The following KLF2 variants were observed in gnomAD, a reference collection of about 807,000 sequenced individuals.
KLF2 encodes KLF transcription factor 2, also known as Krueppel-like factor 2.
A neutral mutation model predicts 22.2 loss-of-function variants in KLF2; 9 were observed. That is an observed-to-expected ratio of 0.40 (90% confidence interval 0.24 to 0.71). The LOEUF (loss-of-function observed/expected upper bound fraction) is 0.71. Among genes scored for constraint, KLF2 ranks in the 30% least tolerant of loss-of-function variants. KLF2 has a pLI of 0.35. For missense variants in KLF2, 481 were observed against 542.1 expected, an observed-to-expected ratio of 0.89 and a Z score of 1.12; for synonymous variants, 299 against 264.2, an observed-to-expected ratio of 1.13 and a Z score of -1.28.
At position 16,325,243 on chromosome 19, in the gene KLF2, G is replaced by A. The variant is rs1209296008; in HGVS notation, c.103G>A (p.Gly35Ser). Residue 35 changes from glycine to serine, a missense_variant, in exon 2 of 3, where the codon GGC (glycine) becomes AGC (serine). Coordinates refer to ENST00000248071, the MANE Select transcript of KLF2 (RefSeq NM_016270.4). ...ERWPRAEPES[G>S]GTDDDLNSVL... is the part of the protein sequence containing the mutation. ...CTGGCCGCGCGCCGAACCCGAGTCCGGCGGCACCGACGACGACCTCAACAG... is the reference window on the plus strand; with the variant it reads ...CTGGCCGCGCGCCGAACCCGAGTCCAGCGGCACCGACGACGACCTCAACAG... 1.3e-5 allele frequency: 20 copies of A among 1,538,032 alleles called. No homozygotes were observed. The Middle Eastern group carries it at 8.9e-4, about 69-fold the overall frequency.
In KLF2 at chr19:16,325,396, GC is replaced by G. The variant is rs1302376110; in HGVS notation, c.261del (p.Ala88ArgfsTer53). The G allele has an allele frequency of 2.8e-6, 4 of 1,422,682 alleles. No individual in the cohort carries two copies. Among genetic ancestry groups the G allele is most frequent in the Admixed American group, 6.6e-5 (2 of 30,402 alleles). 88.1% of individuals were successfully genotyped at this position (1,422,682 alleles called of 1,614,324 possible). On this transcript the variant is annotated frameshift_variant, in exon 2 of 3. Transcript: ENST00000248071. LOFTEE classifies it high-confidence loss of function. ...ACCCGGCGCGCCCCCGCCCTACAGC[GC>G]CCCCGCGGGTGGCCTGGTGTCTGAG... ...PEPGAPPPYSAPAGGLVSELL... is the reference protein window; with the variant it reads ...PEPGAPPPYSXPAGGLVSELL...
chr19:16,328,601 A>G lies in KLF2; in HGVS notation c.*1570A>G, dbSNP rs892091294. ...TACGGCAGCCCTGGAAACAGCTGAG[A>G]GGTGTTTGGTAATCCACGAAAAGCA... On this transcript the variant is annotated 3_prime_UTR_variant, in exon 3 of 3. Transcript: ENST00000248071. Among the ~76,000 whole-genome samples the G allele has an allele frequency of 1.8e-4, 28 of 152,186 alleles. No homozygotes were observed. The highest frequency in any genetic ancestry group is 6.5e-4 in the African/African-American group (27 of 41,454).
Position 16,325,887 on chromosome 19 carries a change from G to C in KLF2, c.747G>C (p.Pro249=). Residue 249 remains proline (P), a synonymous_variant, in exon 2 of 3, where the codon CCG becomes CCC. Coordinates refer to ENST00000248071, the MANE Select transcript of KLF2 (RefSeq NM_016270.4). The part of the protein sequence containing the change: ...ARGLLTPPAS[P]LELLEAKPKR... ...GTCTCCTCACGCCGCCTGCGTCCCC[G>C]CTGGAGCTGCTGGAGGCCAAGCCAA... is the stretch of plus-strand genomic sequence containing the variant. 6.1e-6 allele frequency: 9 copies of C among 1,486,556 alleles called. No homozygotes were observed. Among genetic ancestry groups the C allele is most frequent in the Non-Finnish European group, 8.0e-6 (9 of 1,124,496 alleles). 92.1% of individuals were successfully genotyped at this position (1,486,556 alleles called of 1,614,324 possible). A position where few individuals can be genotyped will look rare whatever the true frequency, so the allele number is the denominator to read the frequency against.
Position 16,325,010 on chromosome 19 carries a change from G to T in KLF2, c.75+12G>T. ...GCGGCCTGCAGGAGGTGAGGGCGGC[G>T]GGGACGGCGGGGCGGCCGGGACCGT... On this transcript the variant is annotated intron_variant, in intron 1 of 2. Coordinates refer to ENST00000248071, the MANE Select transcript of KLF2 (RefSeq NM_016270.4). 1 of 1,568,266 alleles carries T rather than the reference G, an allele frequency of 6.4e-7. No individual in the cohort carries two copies. Among genetic ancestry groups the T allele is most frequent in the East Asian group, 2.4e-5 (1 of 42,102 alleles).
chr19:16,325,032 CCGTGGGCGGCGGGCTCGGGGTAGTAGAA>C (rs745746141), intron 1 of KLF2, 34 bp downstream of exon 1: 24 of 1,526,444 alleles, frequency 1.6e-5, no homozygotes, highest in East Asian at 2.5e-5. Flanking sequence ...GCGGCCGGGA[CCGTGGGCGGCGGGCTCGGGGTAGTAGAA>C]CGTGGGCTGC....
At chr19:16,326,523 A>T (rs2091890778) in intron 2 of KLF2, among the ~76,000 whole-genome samples, 1 of 151,994 alleles carries the variant, frequency 6.6e-6, no homozygotes. Flanking sequence ...TCTGGGGACA[A>T]GGCTCAGGAC....
In KLF2 at chr19:16,324,857, C is replaced by G; in HGVS notation, c.-67C>G. 1 of 1,387,818 alleles carries G rather than the reference C, an allele frequency of 7.2e-7. No individual in the cohort carries two copies. Among genetic ancestry groups the G allele is most frequent in the Non-Finnish European group, 9.9e-7 (1 of 1,013,924 alleles). 86.0% of individuals were successfully genotyped at this position (1,387,818 alleles called of 1,614,324 possible). A position where few individuals can be genotyped will look rare whatever the true frequency, so the allele number is the denominator to read the frequency against. The stretch of plus-strand genomic sequence containing the variant: ...CCGTCCCCGCCCGCCCGCGCCCCGA[C>G]CAGCCCGGCCTCGGGCAGCCACTCA... On this transcript the variant is annotated 5_prime_UTR_variant, in exon 1 of 3. Coordinates refer to ENST00000248071, the MANE Select transcript of KLF2 (RefSeq NM_016270.4).
At position 16,326,926 on chromosome 19, in the gene KLF2, C is replaced by G. The variant is rs369699951; in HGVS notation, c.963C>G (p.Arg321=). 1 of 1,613,442 alleles carries G rather than the reference C, an allele frequency of 6.2e-7. No homozygotes were observed. The highest frequency in any genetic ancestry group is 2.2e-5 in the East Asian group (1 of 44,892). The change falls in exon 3 of 3, where the codon CGC becomes CGG. Residue 321 remains arginine (R), a synonymous_variant. Coordinates refer to ENST00000248071, the MANE Select transcript of KLF2 (RefSeq NM_016270.4). ...TTGCGCGCTCAGACGAGCTCACGCGCCACTACCGAAAGCACACGGGCCACC... is the reference window on the plus strand; with the variant it reads ...TTGCGCGCTCAGACGAGCTCACGCGGCACTACCGAAAGCACACGGGCCACC... ...WKFARSDELT[R]HYRKHTGHRP...
At chr19:16,326,064 CG>C in intron 2 of KLF2, 32 bp downstream of exon 2, 11 of 1,521,874 alleles carry the variant, frequency 7.2e-6, no homozygotes, top group East Asian at 5.2e-5. Context: ...GGAGCGCAGG[CG>C]GGGGGACGCG....
intron 2 of KLF2, 110 bp from the exon 3 acceptor site, chr19:16,326,746 C>G (rs1344483737): frequency 1.8e-6 from 2 of 1,082,292 alleles, no homozygotes; most frequent in Non-Finnish European, 2.7e-6. Flanking sequence ...AACACTACCG[C>G]GGGGAGCGCG....
Position 16,325,680 on chromosome 19 carries a change from CCCCGCGCGCCTG to C in KLF2, c.548_559del (p.Arg183_Ala186del). On this transcript the variant is annotated inframe_deletion, in exon 2 of 3. Coordinates refer to ENST00000248071, the MANE Select transcript of KLF2 (RefSeq NM_016270.4). ...ACACACCGCCGCTCAGCCCCGACGG[CCCCGCGCGCCTG>C]CCCGCGCCCGGTCCGCGCGCCTCCT... 1 of 1,099,764 alleles carries C rather than the reference CCCCGCGCGCCTG, an allele frequency of 9.1e-7. No homozygotes were observed. 68.1% of individuals were successfully genotyped at this position (1,099,764 alleles called of 1,614,324 possible).
In KLF2 at chr19:16,328,488, G is replaced by A. The variant is rs1299628649; in HGVS notation, c.*1457G>A. On this transcript the variant is annotated 3_prime_UTR_variant, in exon 3 of 3. Coordinates refer to ENST00000248071, the MANE Select transcript of KLF2 (RefSeq NM_016270.4). The stretch of plus-strand genomic sequence containing the variant: ...AGTTTCCAGAAAGTGAAAATAGCTC[G>A]TAAGCAGCGCCTGCTTTAAAACACT... Among the ~76,000 whole-genome samples the A allele has an allele frequency of 2.0e-5, 3 of 152,072 alleles. No homozygotes were observed. Among genetic ancestry groups the A allele is most frequent in the Non-Finnish European group, 2.9e-5 (2 of 68,034 alleles).
intron 2 of KLF2, 100 bp from the exon 3 acceptor site, chr19:16,326,756 G>A (rs1368871102): frequency 8.2e-7 from 1 of 1,220,246 alleles, no homozygotes; most frequent in Non-Finnish European, 1.1e-6. Flanking sequence ...CGGGGAGCGC[G>A]TCAAGGCCCT....
In KLF2 at chr19:16,327,288, TGG is replaced by T; in HGVS notation, c.*258_*259del. The T allele has an allele frequency of 5.9e-6, 2 of 336,168 alleles. No homozygotes were observed. Among genetic ancestry groups the T allele is most frequent in the Non-Finnish European group, 1.1e-5 (2 of 189,728 alleles). 20.8% of individuals were successfully genotyped at this position (336,168 alleles called of 1,614,324 possible). On this transcript the variant is annotated 3_prime_UTR_variant, in exon 3 of 3. Coordinates refer to ENST00000248071, the MANE Select transcript of KLF2 (RefSeq NM_016270.4). ...TTTCAAAATGGTGCAATAATTTAAG[TGG>T]CATCTTCTCTCCCACCGGGTCTACA...
chr19:16,325,143 T>C, intron 1 of KLF2, 73 bp from the exon 2 acceptor site: 1 of 1,330,790 alleles, frequency 7.5e-7, no homozygotes, highest in Non-Finnish European at 1.0e-6. Flanking sequence ...ATCGCGGACT[T>C]AGGGTGGTAA....
chr19:16,326,351 C>G (rs1258962886), intron 2 of KLF2, among the ~76,000 whole-genome samples: 1 of 151,378 alleles, frequency 6.6e-6, no homozygotes, highest in Non-Finnish European at 1.5e-5. Flanking sequence ...GAGACAGTCT[C>G]AGAAAGTTGG....
chr19:16,326,046 A>G lies in KLF2; in HGVS notation c.892+14A>G. ...GCACGCACACAGGTGGGCGGCACGCACGAGCCAGGAGCGCAGGCGGGGGGA... is the reference window on the plus strand; with the variant it reads ...GCACGCACACAGGTGGGCGGCACGCGCGAGCCAGGAGCGCAGGCGGGGGGA... On this transcript the variant is annotated intron_variant, in intron 2 of 2. Transcript: ENST00000248071. 1.3e-6 allele frequency: 2 copies of G among 1,538,308 alleles called. No homozygotes were observed. Among genetic ancestry groups the G allele is most frequent in the Non-Finnish European group, 1.7e-6 (2 of 1,143,152 alleles).
In KLF2 at chr19:16,325,344, C is replaced by G; in HGVS notation, c.204C>G (p.Pro68=). ...CCGCCCCGGAGCCGCCGCCGCCGCC[C>G]CCGCCGCCTGCGTTCTATTACCCCG... ...AEAAPEPPPP[P]PPPAFYYPEP... Residue 68 remains proline (P), a synonymous_variant, in exon 2 of 3, where the codon CCC becomes CCG. Coordinates refer to ENST00000248071, the MANE Select transcript of KLF2 (RefSeq NM_016270.4). The G allele has an allele frequency of 1.4e-6, 2 of 1,466,938 alleles. No homozygotes were observed. The highest frequency in any genetic ancestry group is 1.8e-6 in the Non-Finnish European group (2 of 1,117,264). The allele number at this position is 1,466,938 out of a possible 1,614,324, so 90.9% of individuals were successfully genotyped here.
At position 16,327,902 on chromosome 19, in the gene KLF2, G is replaced by C. The variant is rs2091895082; in HGVS notation, c.*871G>C. Reference sequence around the variant, plus strand: ...CTCTGAGGTTTTAGCCAAATTTCTGGAGTGCCAGCTCTATATTTTTATTTT... The same window carrying C: ...CTCTGAGGTTTTAGCCAAATTTCTGCAGTGCCAGCTCTATATTTTTATTTT... On this transcript the variant is annotated 3_prime_UTR_variant, in exon 3 of 3. Coordinates refer to ENST00000248071, the MANE Select transcript of KLF2 (RefSeq NM_016270.4). The C allele has an allele frequency of 6.6e-6, 1 of 151,730 alleles. No individual in the cohort carries two copies. Among genetic ancestry groups the C allele is most frequent in the Non-Finnish European group, 1.5e-5 (1 of 68,014 alleles). 9.4% of individuals were successfully genotyped at this position (151,730 alleles called of 1,614,324 possible).
Sources: allele counts gnomAD v4.1 joint callset (sites outside exome capture counted in the v4.1 genomes callset), GRCh38; gene constraint gnomAD v4.1.1; transcripts MANE v1.5; gene names NCBI Gene and HGNC (gene_info 2026-07-23, HGNC 2026-07-21).